The following GOT1 variants were observed in gnomAD, a reference collection of about 807,000 sequenced individuals.
The protein encoded by GOT1 is glutamic-oxaloacetic transaminase 1.
A neutral mutation model predicts 48.2 loss-of-function variants in GOT1; 25 were observed. The ratio of observed to expected loss-of-function variants is 0.52; its 90% confidence interval spans 0.38 to 0.72. The LOEUF is 0.72. Ranked by LOEUF, GOT1 falls within the 30% of genes least tolerant of loss-of-function variation. The probability of loss-of-function intolerance (pLI) is 0.00; values close to 1 mark genes in which losing one functional copy is unlikely to be tolerated. For missense variants in GOT1, 380 were observed against 520.1 expected (o/e 0.73, Z 2.62); for synonymous variants, 188 against 193.8 (o/e 0.97, Z 0.25).
At chr10:99,399,571 G>A (rs1353067406) in intron 8 of GOT1, among the ~76,000 whole-genome samples, 2 of 152,068 alleles carry the variant, frequency 1.3e-5, no homozygotes, top group East Asian at 1.9e-4. Context: ...AGGAGTTGAC[G>A]ACCAGCCTGG....
chr10:99,401,396 CTG>C (rs1210108591), intron 8 of GOT1, among the ~76,000 whole-genome samples: 2 of 152,164 alleles, frequency 1.3e-5, no homozygotes, highest in Non-Finnish European at 2.9e-5. Flanking sequence ...CACACTGGCA[CTG>C]TGATGGCCCC....
intron 8 of GOT1, among the ~76,000 whole-genome samples, chr10:99,399,638 TGG>T (rs2032645272): frequency 6.6e-6 from 1 of 152,114 alleles, no homozygotes; most frequent in African/African-American, 2.4e-5. Flanking sequence ...CCGGGCATGG[TGG>T]CACACACCTG....
intron 2 of GOT1, among the ~76,000 whole-genome samples, chr10:99,418,301 A>G (rs1411746975): frequency 6.6e-6 from 1 of 151,984 alleles, no homozygotes; most frequent in Non-Finnish European, 1.5e-5. Flanking sequence ...CTTACAGTGT[A>G]AGTCATCAAA....
intron 8 of GOT1, among the ~76,000 whole-genome samples, chr10:99,398,528 G>A (rs1279586908): frequency 6.6e-6 from 1 of 152,140 alleles, no homozygotes; most frequent in Admixed American, 6.5e-5. Flanking sequence ...AAATTAGCCA[G>A]GCGTGGTGGC....
intron 1 of GOT1, among the ~76,000 whole-genome samples, chr10:99,428,602 C>A (rs2033071741): frequency 6.6e-6 from 1 of 152,204 alleles, no homozygotes; most frequent in Non-Finnish European, 1.5e-5. Flanking sequence ...AGGTGATCCA[C>A]CTGCCTTGGC....
chr10:99,406,255 T>C lies in GOT1; in HGVS notation c.425-6A>G, dbSNP rs775622378. 1.6e-5 allele frequency: 25 copies of C among 1,598,720 alleles called. No individual in the cohort carries two copies. The Admixed American group carries it at 4.2e-4, about 27-fold the overall frequency. On this transcript the variant is annotated splice_polypyrimidine_tract_variant and splice_region_variant and intron_variant, in intron 3 of 8. Coordinates refer to ENST00000370508, the MANE Select transcript of GOT1 (RefSeq NM_002079.3). ...AAACACAGCATTGTGATTCTCTGCA[T>C]GCAAAGAAGTAAAAAGTTAAGCACT... is the stretch of plus-strand genomic sequence containing the variant.
At chr10:99,430,209 T>C in intron 1 of GOT1, 1 of 1,148,638 alleles carries the variant, frequency 8.7e-7, no homozygotes. Context: ...AGTTTGTGTC[T>C]TGGCTGCTAC....
chr10:99,405,698 C>T (rs74155514), intron 5 of GOT1, 58 bp downstream of exon 5: 5 of 855,482 alleles, frequency 5.8e-6, no homozygotes, highest in Non-Finnish European at 1.0e-5. Flanking sequence ...ATTGCTTCTA[C>T]ATACATTAAA....
chr10:99,418,575 C>T (rs1186437429), intron 2 of GOT1, among the ~76,000 whole-genome samples: 1 of 150,044 alleles, frequency 6.7e-6, no homozygotes, highest in Non-Finnish European at 1.5e-5. Context: ...AATCATGGCT[C>T]ACTGCAGCCT....
chr10:99,406,250 C>A lies in GOT1; in HGVS notation c.425-1G>T. The A allele has an allele frequency of 6.2e-7, 1 of 1,601,828 alleles. No homozygotes were observed. Among genetic ancestry groups the A allele is most frequent in the South Asian group, 1.1e-5 (1 of 90,830 alleles). ...GCGGAAAACACAGCATTGTGATTCTCTGCATGCAAAGAAGTAAAAAGTTAA... is the reference window on the plus strand; with the variant it reads ...GCGGAAAACACAGCATTGTGATTCTATGCATGCAAAGAAGTAAAAAGTTAA... On this transcript the variant is annotated splice_acceptor_variant, in intron 3 of 8. Transcript: ENST00000370508. LOFTEE classifies it high-confidence loss of function.
chr10:99,430,081 C>A, intron 1 of GOT1: 1 of 399,494 alleles, frequency 2.5e-6, no homozygotes, highest in South Asian at 1.9e-5. Flanking sequence ...TTCCTAGCAA[C>A]CAGAACCCTA....
At chr10:99,430,064 TA>T (rs941229928) in intron 1 of GOT1, among the ~76,000 whole-genome samples, 6 of 152,198 alleles carry the variant, frequency 3.9e-5, no homozygotes, top group African/African-American at 1.4e-4. Flanking sequence ...AGTTCTCCTT[TA>T]CCCATTTCCT....
chr10:99,403,686 G>C (rs201775898), intron 6 of GOT1, 38 bp downstream of exon 6: 1 of 1,613,868 alleles, frequency 6.2e-7, no homozygotes, highest in East Asian at 2.2e-5. Flanking sequence ...GGAGTGATGC[G>C]AGGAGGTGGG....
intron 1 of GOT1, among the ~76,000 whole-genome samples, chr10:99,424,575 C>A (rs1462631336): frequency 1.3e-5 from 2 of 152,116 alleles, no homozygotes; most frequent in Non-Finnish European, 2.9e-5. Context: ...GATAATATGT[C>A]ATTCACAAAT....
intron 2 of GOT1, among the ~76,000 whole-genome samples, chr10:99,409,487 G>A (rs1190140716): frequency 1.3e-5 from 2 of 152,092 alleles, no homozygotes; most frequent in African/African-American, 2.4e-5. Flanking sequence ...ATCTTTTCAA[G>A]AACCTAACAT....
intron 1 of GOT1, among the ~76,000 whole-genome samples, chr10:99,429,596 T>C (rs528959992): frequency 6.6e-6 from 1 of 152,276 alleles, no homozygotes; most frequent in African/African-American, 2.4e-5. Context: ...TCTGTGGGGC[T>C]TCAAACATCC....
intron 1 of GOT1, among the ~76,000 whole-genome samples, chr10:99,429,219 T>A (rs1485989606): frequency 2.6e-5 from 4 of 152,178 alleles, no homozygotes; most frequent in Admixed American, 2.6e-4. Flanking sequence ...CCGGATACTT[T>A]TTTGTATTTT....
chr10:99,405,359 A>G (rs963539075), intron 5 of GOT1, among the ~76,000 whole-genome samples: 1 of 152,212 alleles, frequency 6.6e-6, no homozygotes, highest in South Asian at 2.1e-4. Flanking sequence ...CATCCCTAAT[A>G]TGACATATCC....
Position 99,424,489 on chromosome 10 carries a change from T to A in GOT1, c.119-3684A>T, listed in dbSNP as rs565223922. Among the ~76,000 whole-genome samples, 4 of 152,330 alleles carry A rather than the reference T, an allele frequency of 2.6e-5. No homozygotes were observed. In the East Asian group the frequency reaches 7.7e-4, roughly 29 times the overall value. ...TTTGGGATGTTTATAGAAAAACCAG[T>A]TCTGTTATGTTTCAGTTCTGTGTCT... On this transcript the variant is annotated intron_variant, in intron 1 of 8. Coordinates refer to ENST00000370508, the MANE Select transcript of GOT1 (RefSeq NM_002079.3).
Sources: allele counts gnomAD v4.1 joint callset (sites outside exome capture counted in the v4.1 genomes callset), GRCh38; gene constraint gnomAD v4.1.1; transcripts MANE v1.5; gene names NCBI Gene and HGNC (gene_info 2026-07-23, HGNC 2026-07-21).